The following NFIB variants were observed in gnomAD, a reference collection of about 807,000 sequenced individuals.
NFIB encodes nuclear factor 1 B-type.
NFIB carries 11 observed loss-of-function variants against 61.5 expected under a neutral mutation model. The observed-to-expected ratio is 0.18, with a 90% confidence interval of 0.11 to 0.30. The LOEUF is 0.30. NFIB is among the 10% of genes least tolerant of loss of function. The probability of loss-of-function intolerance (pLI) is 1.00; values close to 1 mark genes in which losing one functional copy is unlikely to be tolerated. For missense variants in NFIB, 471 were observed against 608.9 expected (o/e 0.77, Z 2.38); for synonymous variants, 260 against 216.5 (o/e 1.20, Z -1.76).
chr9:14,163,522 G>A (rs1205254321), intron 3 of NFIB, among the ~76,000 whole-genome samples: 1 of 151,794 alleles, frequency 6.6e-6, no homozygotes, highest in African/African-American at 2.4e-5. Context: ...GAAAACTTAA[G>A]CTGAATTACA....
chr9:14,396,435 A>C (rs527970883), intron 1 of NFIB, among the ~76,000 whole-genome samples: 1 of 152,172 alleles, frequency 6.6e-6, no homozygotes, highest in Admixed American at 6.5e-5. Context: ...GGAGCTCTCC[A>C]TTGAGTCAGC....
At chr9:14,210,688 C>A (rs2050215909) in intron 2 of NFIB, among the ~76,000 whole-genome samples, 1 of 151,826 alleles carries the variant, frequency 6.6e-6, no homozygotes, top group African/African-American at 2.4e-5. Flanking sequence ...AATAATAAAA[C>A]TTCAAGCAGA....
At chr9:14,210,586 C>A (rs956979221) in intron 2 of NFIB, among the ~76,000 whole-genome samples, 1 of 151,876 alleles carries the variant, frequency 6.6e-6, no homozygotes, top group African/African-American at 2.4e-5. Flanking sequence ...CTCCATTAAT[C>A]CCTAACCAAA....
upstream of NFIB, among the ~76,000 whole-genome samples, chr9:14,402,363 T>A (rs2061751025): frequency 6.6e-6 from 1 of 152,228 alleles, no homozygotes; most frequent in Non-Finnish European, 1.5e-5. Context: ...TCTTTGAGAC[T>A]CTGTACTTTG....
chr9:14,427,944 T>TTTTTTG, the NFIB span, among the ~76,000 whole-genome samples: 4 of 83,180 alleles, frequency 4.8e-5, no homozygotes, highest in African/African-American at 1.1e-4. Context: ...GTTGTTTTTT[T>TTTTTTG]TTTTTTTTTT....
chr9:14,531,156 T>C, the NFIB span, among the ~76,000 whole-genome samples: 3 of 152,150 alleles, frequency 2.0e-5, no homozygotes, highest in African/African-American at 4.8e-5. Flanking sequence ...AGCACTCTGA[T>C]TACAGAAAGT....
intron 10 of NFIB, among the ~76,000 whole-genome samples, chr9:14,092,808 G>C (rs2034148606): frequency 6.6e-6 from 1 of 152,000 alleles, no homozygotes; most frequent in Non-Finnish European, 1.5e-5. Flanking sequence ...TAAGGCGGAA[G>C]AAGATACCCA....
At chr9:14,427,937 G>GTTTTTTTGTTTTTTTTTTTTTTTTTT in the NFIB span, among the ~76,000 whole-genome samples, 1 of 43,384 alleles carries the variant, frequency 2.3e-5, no homozygotes, top group African/African-American at 7.8e-5. Flanking sequence ...TAATTCAGTT[G>GTTTTTTTGTTTTTTTTTTTTTTTTTT]TTTTTTTTTT....
the NFIB span, among the ~76,000 whole-genome samples, chr9:14,491,386 AG>A: frequency 6.6e-6 from 1 of 152,236 alleles, no homozygotes; most frequent in Non-Finnish European, 1.5e-5. Flanking sequence ...AAGGGCAAGA[AG>A]AAATTTCAGA....
chr9:14,094,848 T>C (rs1359818799), intron 10 of NFIB, among the ~76,000 whole-genome samples: 1 of 152,150 alleles, frequency 6.6e-6, no homozygotes, highest in Admixed American at 6.6e-5. Context: ...ATCAAAATGG[T>C]AGCCCATCAA....
rs1587325466 is a variant in NFIB at position 14,116,230 on chromosome 9, T to G, written c.1362A>C (p.Lys454Asn). The G allele has an allele frequency of 6.5e-7, 1 of 1,531,186 alleles. No homozygotes were observed. The highest frequency in any genetic ancestry group is 2.1e-5 in the Admixed American group (1 of 48,776). 94.8% of individuals were successfully genotyped at this position (1,531,186 alleles called of 1,614,324 possible). A position where few individuals can be genotyped will look rare whatever the true frequency, so the allele number is the denominator to read the frequency against. ...CACCTTCAGTGGATGTAGTGATGGG[T>G]TTAGTATCTGTCATGCTCAGGGTCA... ...RPVTLSMTDT[K>N]PITTSTEAYT... Residue 454 changes from lysine (K) to asparagine (N), a missense_variant, in exon 9 of 11, where the codon AAA becomes AAC. Physicochemically the swap from Lys to Asn is moderately conservative, Grantham distance 94. Transcript: ENST00000380953.
At chr9:14,167,778 C>A (rs1175715086) in intron 3 of NFIB, among the ~76,000 whole-genome samples, 1 of 152,078 alleles carries the variant, frequency 6.6e-6, no homozygotes, top group African/African-American at 2.4e-5. Flanking sequence ...TTTTTTGCAG[C>A]TTCTAGAATG....
At chr9:14,465,263 T>C in the NFIB span, among the ~76,000 whole-genome samples, 2 of 152,194 alleles carry the variant, frequency 1.3e-5, no homozygotes, top group Admixed American at 6.5e-5. Flanking sequence ...TCCTGGAACC[T>C]TCTAATGTTC....
At chr9:14,301,510 C>T (rs983531238) in intron 2 of NFIB, among the ~76,000 whole-genome samples, 1 of 152,092 alleles carries the variant, frequency 6.6e-6, no homozygotes, top group Non-Finnish European at 1.5e-5. Flanking sequence ...AAGTGGGGCA[C>T]TATATATTTT....
the NFIB span, among the ~76,000 whole-genome samples, chr9:14,496,945 T>C: frequency 1.3e-5 from 2 of 152,224 alleles, no homozygotes; most frequent in Admixed American, 6.5e-5. Flanking sequence ...CAAATTGGCA[T>C]GGTCACCAAA....
At chr9:14,302,302 T>C (rs1408026588) in intron 2 of NFIB, among the ~76,000 whole-genome samples, 1 of 152,206 alleles carries the variant, frequency 6.6e-6, no homozygotes, top group Non-Finnish European at 1.5e-5. Context: ...AGCATTTGCT[T>C]CCTCACTAAT....
At chr9:14,501,313 C>T in the NFIB span, among the ~76,000 whole-genome samples, 1 of 152,190 alleles carries the variant, frequency 6.6e-6, no homozygotes, top group African/African-American at 2.4e-5. Context: ...TCTGGTTGCT[C>T]ATAAAATAGA....
At position 14,116,280 on chromosome 9, in the gene NFIB, G is replaced by A. The variant is rs917434112; in HGVS notation, c.1312C>T (p.Pro438Ser). ...ACAGGTCGCACTGCACTGGGATGGG[G>A]AGAGGGTGCCAAGACAGGAGTGAAA... ...GHFTPVLAPS[P>S]HPSAVRPVTL... The change falls in exon 9 of 11, where the codon CCC (proline) becomes TCC (serine). Residue 438 changes from proline to serine, a missense_variant. This residue lies in a region of NFIB where 372 missense variants were observed against 395.6 expected (regional missense o/e 0.94). Coordinates refer to ENST00000380953, the MANE Select transcript of NFIB (RefSeq NM_001190737.2). The A allele has an allele frequency of 1.5e-5, 23 of 1,539,032 alleles. No homozygotes were observed. Among genetic ancestry groups the A allele is most frequent in the Non-Finnish European group, 1.9e-5 (22 of 1,140,652 alleles).
At chr9:14,177,449 AT>A (rs2046312177) in intron 3 of NFIB, among the ~76,000 whole-genome samples, 1 of 152,150 alleles carries the variant, frequency 6.6e-6, no homozygotes, top group African/African-American at 2.4e-5. Flanking sequence ...CTCATAAAAA[AT>A]TCTTTAATAA....
Sources: allele counts gnomAD v4.1 joint callset (sites outside exome capture counted in the v4.1 genomes callset), GRCh38; gene constraint gnomAD v4.1.1; regional missense constraint gnomAD v4.1.1; transcripts MANE v1.5; gene names NCBI Gene and HGNC (gene_info 2026-07-23, HGNC 2026-07-21).